C12orf42: variants seen among roughly 807,000 people sequenced by gnomAD.
C12orf42 encodes chromosome 12 open reading frame 42, also known as uncharacterized protein C12orf42.
C12orf42 carries 25 observed loss-of-function variants against 21.6 expected under a neutral mutation model. That is an observed-to-expected ratio of 1.16 (90% CI 0.84 to 1.62). The LOEUF (loss-of-function observed/expected upper bound fraction) is 1.62, where lower values mean the gene tolerates loss of function less well. Ranked by LOEUF, C12orf42 falls within the 40% of genes most tolerant of loss-of-function variation. C12orf42 has a pLI of 0.00. For synonymous variants in C12orf42, 174 were observed against 175.0 expected, an observed-to-expected ratio of 0.99 and a Z score of 0.05; for missense variants, 483 against 459.3, an observed-to-expected ratio of 1.05 and a Z score of -0.47.
the C12orf42 span, among the ~76,000 whole-genome samples, chr12:103,059,402 AGAG>A: frequency 2.0e-5 from 3 of 152,160 alleles, no homozygotes; most frequent in East Asian, 5.8e-4. Flanking sequence ...AGAGGTAAAA[AGAG>A]GAGCTGGTAC....
chr12:103,238,010 C>T (rs2033530745), intron 10 of C12orf42: 1 of 152,218 alleles, frequency 6.6e-6, no homozygotes. Context: ...GATTAATATA[C>T]TGCAGGAGGC....
intron 3 of C12orf42, among the ~76,000 whole-genome samples, chr12:103,391,863 T>A (rs1389075669): frequency 6.6e-6 from 1 of 152,148 alleles, no homozygotes; most frequent in Non-Finnish European, 1.5e-5. Context: ...TTTTCTTTTT[T>A]TACCTATGCT....
chr12:103,271,710 C>A (rs1260047197), intron 5 of C12orf42, among the ~76,000 whole-genome samples: 1 of 152,142 alleles, frequency 6.6e-6, no homozygotes, highest in African/African-American at 2.4e-5. Context: ...GCCAAGGACA[C>A]AGGACACTGG....
chr12:103,322,714 A>G (rs2040302538), intron 4 of C12orf42, among the ~76,000 whole-genome samples: 1 of 152,208 alleles, frequency 6.6e-6, no homozygotes, highest in East Asian at 1.9e-4. Flanking sequence ...GCATTTTTTA[A>G]AAACGTTTAA....
At chr12:103,474,536 C>G (rs1398301117) in intron 2 of C12orf42, among the ~76,000 whole-genome samples, 1 of 151,906 alleles carries the variant, frequency 6.6e-6, no homozygotes, top group African/African-American at 2.4e-5. Context: ...ATGTGGAACA[C>G]TTTGGAGTCT....
intron 4 of C12orf42, among the ~76,000 whole-genome samples, chr12:103,341,972 G>GTA (rs2042209190): frequency 6.6e-6 from 1 of 152,160 alleles, no homozygotes; most frequent in Non-Finnish European, 1.5e-5. Flanking sequence ...CTACATCTAT[G>GTA]TATAGCTTAT....
intron 2 of C12orf42, among the ~76,000 whole-genome samples, chr12:103,438,067 C>T (rs1359924624): frequency 1.4e-4 from 21 of 149,950 alleles, no homozygotes; most frequent in South Asian, 4.4e-4. Context: ...CAAGATCAAG[C>T]GGGCTTCATC....
At chr12:103,392,957 A>G (rs1221960222) in intron 3 of C12orf42, among the ~76,000 whole-genome samples, 1 of 152,216 alleles carries the variant, frequency 6.6e-6, no homozygotes, top group Non-Finnish European at 1.5e-5. Context: ...GGTATCAGGT[A>G]TCAGATCAGT....
the C12orf42 span, among the ~76,000 whole-genome samples, chr12:103,108,493 G>A: frequency 6.6e-6 from 1 of 151,972 alleles, no homozygotes; most frequent in African/African-American, 2.4e-5. Flanking sequence ...AGAAATATTG[G>A]TTAATGTAGT....
chr12:103,112,901 C>T, the C12orf42 span, among the ~76,000 whole-genome samples: 81 of 152,304 alleles, frequency 5.3e-4, no homozygotes, highest in African/African-American at 1.8e-3. Context: ...GCTGTACCTG[C>T]TGGCCTACTT....
At chr12:103,548,652 A>C in the C12orf42 span, 3 of 152,238 alleles carry the variant, frequency 2.0e-5, no homozygotes, top group Non-Finnish European at 4.4e-5. Flanking sequence ...TCTTTGCATC[A>C]ACTTTTAATA....
At chr12:103,277,414 T>G (rs1379753704) in intron 4 of C12orf42, among the ~76,000 whole-genome samples, 2 of 152,186 alleles carry the variant, frequency 1.3e-5, no homozygotes, top group Non-Finnish European at 2.9e-5. Context: ...TCGTATCTGC[T>G]TCTGCATTAT....
At chr12:103,066,063 C>T in the C12orf42 span, among the ~76,000 whole-genome samples, 27,013 of 152,118 alleles carry the variant, frequency 0.18, 2,753 homozygotes, top group Admixed American at 0.24. Flanking sequence ...AGGTGAATCA[C>T]AGCGGAGGCC....
chr12:103,093,142 C>T, the C12orf42 span, among the ~76,000 whole-genome samples: 1 of 152,232 alleles, frequency 6.6e-6, no homozygotes, highest in Non-Finnish European at 1.5e-5. Context: ...CAATCTCAAG[C>T]CAAGGCTGCT....
At chr12:103,338,410 G>C (rs1188670437) in intron 4 of C12orf42, among the ~76,000 whole-genome samples, 1 of 152,174 alleles carries the variant, frequency 6.6e-6, no homozygotes, top group African/African-American at 2.4e-5. Flanking sequence ...TTCAGATTTT[G>C]CATTTTCCTG....
the C12orf42 span, among the ~76,000 whole-genome samples, chr12:103,543,593 A>G: frequency 1.3e-5 from 2 of 151,956 alleles, no homozygotes; most frequent in African/African-American, 4.8e-5. Context: ...AGCATGGGTA[A>G]CAAAATGGGA....
intron 4 of C12orf42, among the ~76,000 whole-genome samples, chr12:103,329,748 GA>G (rs2041061082): frequency 6.6e-6 from 1 of 151,710 alleles, no homozygotes; most frequent in Admixed American, 6.6e-5. Flanking sequence ...AAAAGACAAG[GA>G]AAAGGGGGGA....
chr12:103,509,473 C>T, the C12orf42 span, among the ~76,000 whole-genome samples: 2 of 152,052 alleles, frequency 1.3e-5, no homozygotes, highest in African/African-American at 4.8e-5. Context: ...AAAGCTTCCT[C>T]GGGTAAAATA....
the C12orf42 span, among the ~76,000 whole-genome samples, chr12:103,209,444 C>G: frequency 1.3e-5 from 2 of 152,260 alleles, no homozygotes; most frequent in South Asian, 4.2e-4. Context: ...AAGTCAGCAC[C>G]TTTTCAGCAA....
Sources: allele counts gnomAD v4.1 joint callset (sites outside exome capture counted in the v4.1 genomes callset), GRCh38; gene constraint gnomAD v4.1.1; transcripts MANE v1.5; gene names NCBI Gene and HGNC (gene_info 2026-07-23, HGNC 2026-07-21).